Variants in COPS3 observed in about 807,000 individuals in gnomAD.
COPS3 encodes COP9 signalosome complex subunit 3.
A neutral mutation model predicts 58.2 loss-of-function variants in COPS3; 10 were observed. The observed-to-expected ratio is 0.17, with a 90% CI of 0.11 to 0.29. The LOEUF is 0.29. COPS3 is among the 10% of genes least tolerant of loss of function. COPS3 has a pLI of 1.00. For synonymous variants in COPS3, 187 were observed against 181.7 expected (o/e 1.03, Z -0.24); for missense variants, 333 against 510.1 (o/e 0.65, Z 3.34).
chr17:17,258,103 A>G (rs907792743), intron 8 of COPS3, among the ~76,000 whole-genome samples: 6 of 152,134 alleles, frequency 3.9e-5, no homozygotes, highest in African/African-American at 1.4e-4. Flanking sequence ...TATGTCCTTT[A>G]AAGACACGGT....
At chr17:17,276,415 G>C (rs1429609722) in intron 1 of COPS3, among the ~76,000 whole-genome samples, 2 of 142,084 alleles carry the variant, frequency 1.4e-5, no homozygotes, top group African/African-American at 2.6e-5. Context: ...TCTCTATTCT[G>C]TTTTCTAGTC....
intron 10 of COPS3, 58 bp from the exon 11 acceptor site, chr17:17,247,618 T>C (rs2047752167): frequency 1.3e-6 from 2 of 1,533,594 alleles, no homozygotes; most frequent in East Asian, 2.2e-5. Flanking sequence ...GCTGCATCCT[T>C]TCTAACTTAC....
chr17:17,268,159 T>C, intron 4 of COPS3, 182 bp from the exon 5 acceptor site: 3 of 853,502 alleles, frequency 3.5e-6, no homozygotes, highest in Middle Eastern at 3.7e-4. Context: ...TTTCTTAAGC[T>C]GTTTCTTGGA....
chr17:17,275,635 T>A (rs552775357), intron 2 of COPS3, among the ~76,000 whole-genome samples: 49 of 152,104 alleles, frequency 3.2e-4, no homozygotes, highest in African/African-American at 1.1e-3. Flanking sequence ...CACCAAAAAA[T>A]AAATAAATAA....
At chr17:17,257,808 A>C (rs1344020955) in intron 8 of COPS3, among the ~76,000 whole-genome samples, 1 of 148,852 alleles carries the variant, frequency 6.7e-6, no homozygotes, top group Non-Finnish European at 1.5e-5. Flanking sequence ...AAAAAAAAAA[A>C]AAAGAAAAAG....
In COPS3 at chr17:17,264,898, G is replaced by T; in HGVS notation, c.525C>A (p.Ala175=). ...AACATAAAAAGTGTTTTGCATCATA[G>T]GCTCCATTCTCTTTACAGATATCCA... is the stretch of plus-strand genomic sequence containing the variant. The part of the protein sequence containing the change: ...DMMDICKENG[A]YDAKHFLCYY... Residue 175 remains alanine, a synonymous_variant, in exon 6 of 12, where the codon GCC becomes GCA. Coordinates refer to ENST00000268717, the MANE Select transcript of COPS3 (RefSeq NM_003653.4). 6.2e-7 allele frequency: 1 copy of T among 1,613,846 alleles called. No individual in the cohort carries two copies. Among genetic ancestry groups the T allele is most frequent in the Non-Finnish European group, 8.5e-7 (1 of 1,179,794 alleles).
chr17:17,265,229 C>G (rs2048193992), intron 5 of COPS3, among the ~76,000 whole-genome samples: 1 of 152,122 alleles, frequency 6.6e-6, no homozygotes, highest in African/African-American at 2.4e-5. Flanking sequence ...ATCTGAAAAC[C>G]TGAAATCCAA....
At chr17:17,266,942 AG>A (rs1382687428) in intron 5 of COPS3, among the ~76,000 whole-genome samples, 1 of 151,516 alleles carries the variant, frequency 6.6e-6, no homozygotes, top group African/African-American at 2.4e-5. Context: ...TCCGGACCTC[AG>A]GTGATCCGCC....
intron 2 of COPS3, among the ~76,000 whole-genome samples, chr17:17,275,459 G>A (rs922453279): frequency 1.3e-5 from 2 of 152,060 alleles, no homozygotes; most frequent in Non-Finnish European, 2.9e-5. Flanking sequence ...GCGCGACCTT[G>A]GCTCACTGCA....
chr17:17,280,744 G>C, intron 1 of COPS3: 1 of 1,246,236 alleles, frequency 8.0e-7, no homozygotes, highest in Non-Finnish European at 1.0e-6. Flanking sequence ...CTGCGGATCG[G>C]CGGCAAAGAT....
At chr17:17,267,062 G>A (rs2048238409) in intron 5 of COPS3, among the ~76,000 whole-genome samples, 2 of 151,572 alleles carry the variant, frequency 1.3e-5, no homozygotes, top group East Asian at 2.0e-4. Context: ...TACAGGCCGG[G>A]CACAGTGGCT....
chr17:17,248,473 C>T (rs779690680), intron 10 of COPS3, among the ~76,000 whole-genome samples: 7 of 152,178 alleles, frequency 4.6e-5, no homozygotes, highest in Admixed American at 4.6e-4. Context: ...CACCACCACA[C>T]CCGGCTGATT....
intron 10 of COPS3, 124 bp from the exon 11 acceptor site, chr17:17,247,684 C>G: frequency 1.1e-6 from 1 of 892,872 alleles, no homozygotes; most frequent in Non-Finnish European, 1.7e-6. Flanking sequence ...CCCCTGGGGC[C>G]ACATGGGTTT....
At chr17:17,265,396 ATTACCTTTT>A (rs2048199938) in intron 5 of COPS3, among the ~76,000 whole-genome samples, 1 of 147,776 alleles carries the variant, frequency 6.8e-6, no homozygotes, top group Non-Finnish European at 1.5e-5. Flanking sequence ...AAAAAACAGC[ATTACCTTTT>A]TTTTTTTTTT....
At position 17,280,672 on chromosome 17, in the gene COPS3, T is replaced by C. The variant is rs774228710; in HGVS notation, c.55+460A>G. The C allele has an allele frequency of 3.1e-6, 4 of 1,305,550 alleles. No individual in the cohort carries two copies. The South Asian group carries it at 3.7e-5, about 12-fold the overall frequency. The allele number at this position is 1,305,550 out of a possible 1,614,324, so 80.9% of individuals were successfully genotyped here. A position where few individuals can be genotyped will look rare whatever the true frequency, so the allele number is the denominator to read the frequency against. ...CGGAGGAGCTGGCAGAGGCGAGCCATAGAGCCAAGACACCCAGAACGGACT... is the reference window on the plus strand; with the variant it reads ...CGGAGGAGCTGGCAGAGGCGAGCCACAGAGCCAAGACACCCAGAACGGACT... On this transcript the variant is annotated intron_variant, in intron 1 of 11. Transcript: ENST00000268717.
chr17:17,250,007 G>T (rs2047806958), intron 9 of COPS3, among the ~76,000 whole-genome samples: 1 of 152,118 alleles, frequency 6.6e-6, no homozygotes, highest in Admixed American at 6.6e-5. Flanking sequence ...TCTAGTTCTG[G>T]AGCATTTTCG....
At chr17:17,248,794 C>A (rs1290791971) in intron 10 of COPS3, 132 bp downstream of exon 10, 1 of 595,442 alleles carries the variant, frequency 1.7e-6, no homozygotes, top group Non-Finnish European at 2.9e-6. Flanking sequence ...AACTAACTTT[C>A]TAGTAACTAA....
rs139428698 is a variant in COPS3 at position 17,260,680 on chromosome 17, G to A, written c.763-206C>T. On this transcript the variant is annotated intron_variant, in intron 7 of 11. Coordinates refer to ENST00000268717, the MANE Select transcript of COPS3 (RefSeq NM_003653.4). Reference sequence around the variant, plus strand: ...TAACTGAGCGTGATAGCACATGCCTGTAATCCCAGCTACTTGGGAGGCTGA... The same window carrying A: ...TAACTGAGCGTGATAGCACATGCCTATAATCCCAGCTACTTGGGAGGCTGA... The A allele has an allele frequency of 3.7e-4, 134 of 366,628 alleles. 2 individuals carry two copies. In the East Asian group the frequency reaches 6.9e-3, roughly 19 times the overall value. The allele number at this position is 366,628 out of a possible 1,614,324, so 22.7% of individuals were successfully genotyped here. A position where few individuals can be genotyped will look rare whatever the true frequency, so the allele number is the denominator to read the frequency against.
At chr17:17,271,908 G>C (rs1050685218) in intron 2 of COPS3, among the ~76,000 whole-genome samples, 3 of 73,522 alleles carry the variant, frequency 4.1e-5, no homozygotes, top group Non-Finnish European at 8.2e-5. Flanking sequence ...TAATAAACAT[G>C]TATATATTAA....
Sources: gnomAD v4.1 joint callset for allele counts (sites outside exome capture counted in the v4.1 genomes callset) on GRCh38, gnomAD v4.1.1 for gene constraint, MANE v1.5 for transcripts, NCBI Gene and HGNC (gene_info 2026-07-23, HGNC 2026-07-21) for gene names.